CPNE8: variants seen among roughly 807,000 people sequenced by gnomAD.
The protein encoded by CPNE8 is copine 8, also known as copine-8.
In CPNE8, 45 loss-of-function variants were observed where a neutral mutation model predicts 81.5. That is an observed-to-expected ratio of 0.55 (90% CI 0.44 to 0.71). The LOEUF is 0.71. Among genes scored for constraint, CPNE8 ranks in the 30% least tolerant of loss-of-function variants. CPNE8 has a pLI of 0.00. For synonymous variants in CPNE8, 252 were observed against 226.3 expected, an observed-to-expected ratio of 1.11 and a Z score of -1.02; for missense variants, 594 against 672.1, an observed-to-expected ratio of 0.88 and a Z score of 1.28.
intron 7 of CPNE8, among the ~76,000 whole-genome samples, chr12:38,775,625 A>G (rs1022669671): frequency 2.0e-5 from 3 of 152,210 alleles, no homozygotes; most frequent in African/African-American, 7.2e-5. Flanking sequence ...TTTCTTGACA[A>G]CAGTGAAATC....
At chr12:38,766,569 A>T (rs538042603) in intron 8 of CPNE8, among the ~76,000 whole-genome samples, 2 of 152,254 alleles carry the variant, frequency 1.3e-5, no homozygotes, top group Admixed American at 6.5e-5. Flanking sequence ...CAATAAGTAG[A>T]CCATCATTTT....
At chr12:38,801,461 A>G (rs1942667746) in intron 6 of CPNE8, among the ~76,000 whole-genome samples, 1 of 47,828 alleles carries the variant, frequency 2.1e-5, no homozygotes, top group Non-Finnish European at 3.8e-5. Flanking sequence ...AAATGGTGAG[A>G]GATTTTGTCA....
intron 1 of CPNE8, among the ~76,000 whole-genome samples, chr12:38,898,465 G>A (rs1304508068): frequency 6.6e-6 from 1 of 152,064 alleles, no homozygotes; most frequent in African/African-American, 2.4e-5. Flanking sequence ...TGAACCACAG[G>A]ATCTCAAGAG....
intron 8 of CPNE8, among the ~76,000 whole-genome samples, chr12:38,765,104 G>A (rs1190415483): frequency 6.6e-6 from 1 of 152,154 alleles, no homozygotes; most frequent in Non-Finnish European, 1.5e-5. Context: ...TTATGAGGCA[G>A]GCAGTCATTT....
intron 1 of CPNE8, among the ~76,000 whole-genome samples, chr12:38,902,717 A>C (rs560913432): frequency 6.6e-6 from 1 of 152,384 alleles, no homozygotes; most frequent in East Asian, 1.9e-4. Context: ...TGTGTTCTTT[A>C]ACCAACTTAT....
At chr12:38,893,806 G>A (rs1944347055) in intron 1 of CPNE8, among the ~76,000 whole-genome samples, 1 of 151,966 alleles carries the variant, frequency 6.6e-6, no homozygotes, top group Non-Finnish European at 1.5e-5. Flanking sequence ...CTCTATATCT[G>A]CAATTGTTCT....
chr12:38,787,236 A>C (rs2136919484), intron 6 of CPNE8, among the ~76,000 whole-genome samples: 1 of 152,254 alleles, frequency 6.6e-6, no homozygotes, highest in Middle Eastern at 3.4e-3. Context: ...CATTCAAAAA[A>C]TTGAAATAAT....
At chr12:38,715,156 T>C (rs540851399) in intron 13 of CPNE8, among the ~76,000 whole-genome samples, 4 of 152,270 alleles carry the variant, frequency 2.6e-5, no homozygotes, top group African/African-American at 9.6e-5. Flanking sequence ...TTAATTGCAA[T>C]GTTTGACTCT....
intron 4 of CPNE8, among the ~76,000 whole-genome samples, chr12:38,844,921 G>A (rs1943530704): frequency 6.6e-6 from 1 of 152,080 alleles, no homozygotes; most frequent in Non-Finnish European, 1.5e-5. Flanking sequence ...ATTTACACTA[G>A]TGCATCTTTC....
intron 16 of CPNE8, among the ~76,000 whole-genome samples, chr12:38,683,800 T>C (rs181745895): frequency 1.5e-4 from 23 of 152,222 alleles, no homozygotes; most frequent in Admixed American, 1.4e-3. Flanking sequence ...TATTAGATCA[T>C]AGTTTATTTT....
At position 38,775,774 on chromosome 12, in the gene CPNE8, AAG is replaced by A. The variant is rs1235777902; in HGVS notation, c.471+462_471+463del. ...TCCTTTCTTCAAATGTGGACTTCCC[AAG>A]CTAACAAGAGATGGAACCAATATAA... On this transcript the variant is annotated intron_variant, in intron 7 of 19. Transcript: ENST00000331366. Among the ~76,000 whole-genome samples the A allele has an allele frequency of 3.9e-5, 6 of 152,180 alleles. No individual in the cohort carries two copies. The East Asian group carries it at 7.7e-4, about 20-fold the overall frequency.
chr12:38,736,427 A>G (rs922622261), intron 10 of CPNE8, among the ~76,000 whole-genome samples: 1 of 151,930 alleles, frequency 6.6e-6, no homozygotes, highest in Non-Finnish European at 1.5e-5. Flanking sequence ...TGGTAAAGCA[A>G]GTGCTATAAG....
chr12:38,770,727 G>A (rs1941784190), intron 7 of CPNE8, among the ~76,000 whole-genome samples: 1 of 152,042 alleles, frequency 6.6e-6, no homozygotes, highest in South Asian at 2.1e-4. Context: ...ACCCACACAT[G>A]CCTTTCCCAC....
chr12:38,815,972 G>T (rs1274010615), intron 6 of CPNE8, among the ~76,000 whole-genome samples: 3 of 152,100 alleles, frequency 2.0e-5, no homozygotes, highest in African/African-American at 7.2e-5. Context: ...TACCACATAT[G>T]TCAAAAATGT....
At chr12:38,764,862 AAGAG>A (rs150812861) in intron 8 of CPNE8, among the ~76,000 whole-genome samples, 25 of 149,960 alleles carry the variant, frequency 1.7e-4, no homozygotes, top group East Asian at 5.8e-4. Context: ...AGATGACAGG[AAGAG>A]AGAGAGAGAG....
At chr12:38,847,819 T>A (rs376240056) in intron 4 of CPNE8, among the ~76,000 whole-genome samples, 1 of 152,156 alleles carries the variant, frequency 6.6e-6, no homozygotes, top group Non-Finnish European at 1.5e-5. Flanking sequence ...GTATGGTACA[T>A]CAGAATTTTC....
Position 38,653,172 on chromosome 12 carries a change from A to C in CPNE8, c.*710T>G, listed in dbSNP as rs1938737765. 1 of 152,482 alleles carries C rather than the reference A, an allele frequency of 6.6e-6. No individual in the cohort carries two copies. The highest frequency in any genetic ancestry group is 1.5e-5 in the Non-Finnish European group (1 of 68,030). The allele number at this position is 152,482 out of a possible 1,614,324, so 9.4% of individuals were successfully genotyped here. On this transcript the variant is annotated 3_prime_UTR_variant, in exon 20 of 20. Coordinates refer to ENST00000331366, the MANE Select transcript of CPNE8 (RefSeq NM_153634.3). ...GTGTTACAAAATACAAACCAACTGC[A>C]GTCTAAATTTAGAACCCAAACTCCA...
chr12:38,654,114 G>A, intron 19 of CPNE8, 44 bp from the exon 20 acceptor site: 1 of 1,537,912 alleles, frequency 6.5e-7, no homozygotes, highest in Non-Finnish European at 8.7e-7. Flanking sequence ...ACTTTAGCAG[G>A]CTATGTAATA....
At chr12:38,883,412 G>A (rs1021787549) in intron 1 of CPNE8, among the ~76,000 whole-genome samples, 21 of 152,024 alleles carry the variant, frequency 1.4e-4, no homozygotes, top group African/African-American at 4.8e-4. Context: ...AGGCAGTATT[G>A]GAAAGAGAAA....
Sources: allele counts gnomAD v4.1 joint callset (sites outside exome capture counted in the v4.1 genomes callset), GRCh38; gene constraint gnomAD v4.1.1; transcripts MANE v1.5; gene names NCBI Gene and HGNC (gene_info 2026-07-23, HGNC 2026-07-21).